Variants in COL14A1 observed in about 807,000 individuals in gnomAD.
The protein encoded by COL14A1 is collagen type XIV alpha 1 chain.
Under a neutral mutation model 230.3 loss-of-function variants are expected in COL14A1, and 136 were observed. The observed-to-expected ratio is 0.59, with a 90% CI of 0.51 to 0.68. The LOEUF is 0.68. COL14A1 is among the 30% of genes least tolerant of loss of function. The probability of loss-of-function intolerance (pLI) is 0.00; values close to 1 mark genes in which losing one functional copy is unlikely to be tolerated. For missense variants in COL14A1, 1,976 were observed against 2,215.8 expected, an observed-to-expected ratio of 0.89 and a Z score of 2.17; for synonymous variants, 792 against 784.1, an observed-to-expected ratio of 1.01 and a Z score of -0.17.
chr8:120,250,492 T>C (rs2129675648), intron 21 of COL14A1, 125 bp from the exon 22 acceptor site: 8 of 1,009,160 alleles, frequency 7.9e-6, no homozygotes, highest in Non-Finnish European at 9.0e-6. Context: ...ACCTCAACCC[T>C]GCTGTCTGCT....
intron 4 of COL14A1, among the ~76,000 whole-genome samples, chr8:120,163,403 C>A (rs1488673291): frequency 1.3e-5 from 2 of 152,100 alleles, no homozygotes; most frequent in Non-Finnish European, 2.9e-5. Flanking sequence ...GGAGTGAAAG[C>A]TCTGCGATGG....
chr8:120,366,589 T>C (rs1823412776), intron 45 of COL14A1, among the ~76,000 whole-genome samples: 1 of 152,212 alleles, frequency 6.6e-6, no homozygotes, highest in South Asian at 2.1e-4. Context: ...AGTTTGTTAA[T>C]AGCACTGTAA....
At chr8:120,274,656 T>C (rs950846633) in intron 26 of COL14A1, among the ~76,000 whole-genome samples, 3 of 151,784 alleles carry the variant, frequency 2.0e-5, no homozygotes, top group Non-Finnish European at 2.9e-5. Flanking sequence ...TGTATACAAA[T>C]CAGTAGCACT....
chr8:120,142,984 A>G (rs569432836), intron 1 of COL14A1, among the ~76,000 whole-genome samples: 1 of 152,342 alleles, frequency 6.6e-6, no homozygotes, highest in South Asian at 2.1e-4. Context: ...TTGAAAGTTT[A>G]CGTAACTATG....
chr8:120,335,114 G>A (rs1228683139), intron 42 of COL14A1, among the ~76,000 whole-genome samples: 3 of 152,172 alleles, frequency 2.0e-5, no homozygotes, highest in Non-Finnish European at 4.4e-5. Flanking sequence ...GGAAAGAAAT[G>A]CAGGCTCTGA....
intron 33 of COL14A1, among the ~76,000 whole-genome samples, chr8:120,286,453 G>A (rs996813329): frequency 1.3e-5 from 2 of 151,706 alleles, no homozygotes; most frequent in Non-Finnish European, 1.5e-5. Flanking sequence ...GTTACCCTGC[G>A]GAAAAATTTT....
intron 5 of COL14A1, among the ~76,000 whole-genome samples, chr8:120,189,523 G>A (rs1317342898): frequency 6.6e-6 from 1 of 151,186 alleles, no homozygotes; most frequent in African/African-American, 2.4e-5. Context: ...TAGGGTACAT[G>A]TGCACAATGT....
At position 120,168,184 on chromosome 8, in the gene COL14A1, G is replaced by C; in HGVS notation, c.373G>C (p.Asp125His). 2.5e-6 allele frequency: 4 copies of C among 1,612,140 alleles called. No individual in the cohort carries two copies. Among genetic ancestry groups the C allele is most frequent in the Non-Finnish European group, 3.4e-6 (4 of 1,178,848 alleles). The change falls in exon 5 of 48, where the codon GAT becomes CAT. Residue 125 changes from aspartate to histidine, a missense_variant. Asp to His is a moderately conservative substitution (Grantham distance 81, BLOSUM62 -1). This residue lies in a region of COL14A1 where 181 missense variants were observed against 178.6 expected (regional missense o/e 1.01). Coordinates refer to ENST00000297848, the MANE Select transcript of COL14A1 (RefSeq NM_021110.4). The stretch of plus-strand genomic sequence containing the variant: ...AGTTAAAGATTTAGAAAAAAGAAAG[G>C]ATCCAAAGCCCAGAGTCAAAGTTGT... Reference protein sequence around the residue: ...FRIKDLEKRKDPKPRVKVVDR... With the variant: ...FRIKDLEKRKHPKPRVKVVDR...
chr8:120,134,998 A>G (rs1208952199), intron 1 of COL14A1, among the ~76,000 whole-genome samples: 1 of 152,166 alleles, frequency 6.6e-6, no homozygotes, highest in Non-Finnish European at 1.5e-5. Flanking sequence ...ACAAACAAAC[A>G]AAAAACAGAT....
intron 42 of COL14A1, among the ~76,000 whole-genome samples, chr8:120,334,281 G>T: frequency 6.6e-6 from 1 of 152,106 alleles, no homozygotes; most frequent in East Asian, 1.9e-4. Context: ...CATACAAAAT[G>T]CATCTTGATT....
chr8:120,206,329 T>A (rs1817430581), intron 9 of COL14A1, among the ~76,000 whole-genome samples: 1 of 152,186 alleles, frequency 6.6e-6, no homozygotes, highest in South Asian at 2.1e-4. Flanking sequence ...GATACACACA[T>A]GCTTAGTTAA....
At chr8:120,131,842 T>C (rs1332164369) in intron 1 of COL14A1, among the ~76,000 whole-genome samples, 1 of 127,136 alleles carries the variant, frequency 7.9e-6, no homozygotes, top group East Asian at 2.2e-4. Flanking sequence ...TCCTTTCTTT[T>C]TTTTTTTTTT....
chr8:120,270,919 T>C (rs1402926340), intron 26 of COL14A1, among the ~76,000 whole-genome samples: 1 of 151,772 alleles, frequency 6.6e-6, no homozygotes, highest in Non-Finnish European at 1.5e-5. Context: ...GACACATGCA[T>C]GCACATGTAT....
chr8:120,157,869 C>G (rs1022636271), intron 2 of COL14A1, among the ~76,000 whole-genome samples: 10 of 152,066 alleles, frequency 6.6e-5, no homozygotes, highest in Admixed American at 2.0e-4. Flanking sequence ...GCCTGTAATC[C>G]CAGCTACTCA....
chr8:120,307,433 A>T (rs145535487), intron 36 of COL14A1, among the ~76,000 whole-genome samples: 18 of 152,332 alleles, frequency 1.2e-4, no homozygotes, highest in African/African-American at 3.8e-4. Context: ...ATAAAAATAT[A>T]TATAACATCT....
chr8:120,288,731 T>C (rs1820285378), intron 33 of COL14A1, among the ~76,000 whole-genome samples: 1 of 152,206 alleles, frequency 6.6e-6, no homozygotes, highest in Non-Finnish European at 1.5e-5. Flanking sequence ...CGTAATGCCT[T>C]ATCTTAAACA....
intron 1 of COL14A1, among the ~76,000 whole-genome samples, chr8:120,143,951 C>A (rs1328363468): frequency 6.6e-6 from 1 of 152,028 alleles, no homozygotes; most frequent in Non-Finnish European, 1.5e-5. Flanking sequence ...TCTTATTCCT[C>A]AAGAAGAATT....
intron 45 of COL14A1, among the ~76,000 whole-genome samples, chr8:120,346,597 C>T (rs575406026): frequency 2.6e-5 from 4 of 152,314 alleles, no homozygotes; most frequent in East Asian, 3.9e-4. Context: ...ATTTCTGCCT[C>T]TGCACTTTTG....
At chr8:120,163,241 A>G (rs916646233) in intron 4 of COL14A1, among the ~76,000 whole-genome samples, 1 of 152,230 alleles carries the variant, frequency 6.6e-6, no homozygotes, top group Admixed American at 6.5e-5. Flanking sequence ...GAGAGAGTAC[A>G]TATAGGACTC....
Sources: allele counts gnomAD v4.1 joint callset (sites outside exome capture counted in the v4.1 genomes callset), GRCh38; gene constraint gnomAD v4.1.1; regional missense constraint gnomAD v4.1.1; transcripts MANE v1.5; gene names NCBI Gene and HGNC (gene_info 2026-07-23, HGNC 2026-07-21).